Variants in CNTN5 observed in about 807,000 individuals in gnomAD.
CNTN5 encodes the protein contactin-5.
CNTN5 carries 77 observed loss-of-function variants against 129.1 expected under a neutral mutation model. The ratio of observed to expected loss-of-function variants is 0.60; its 90% CI spans 0.50 to 0.72. The LOEUF is 0.72. Ranked by LOEUF, CNTN5 falls within the 30% of genes least tolerant of loss-of-function variation. The pLI, the probability that CNTN5 is intolerant of heterozygous loss-of-function variation, is 0.00. For missense variants in CNTN5, 1,478 were observed against 1,328.8 expected (o/e 1.11, Z -1.75); for synonymous variants, 509 against 465.6 (o/e 1.09, Z -1.20).
Position 99,889,323 on chromosome 11 carries a change from TGTGTGTG to T in CNTN5, c.578-26730_578-26724del, listed in dbSNP as rs1449287737. The stretch of plus-strand genomic sequence containing the variant: ...GTGTGTGTGTGTGTGTGTGTGTGTG[TGTGTGTG>T]TGTGTGTGTGTGTGTGTGTGTGTGT... On this transcript the variant is annotated intron_variant, in intron 6 of 24. Coordinates refer to ENST00000524871, the MANE Select transcript of CNTN5 (RefSeq NM_014361.4). 2.3e-3 allele frequency among the ~76,000 whole-genome samples: 335 copies of T among 144,506 alleles called. 10 individuals are homozygous for T. The highest frequency in any genetic ancestry group is 0.011 in the Middle Eastern group (3 of 280). The allele number at this position is 144,506 out of a possible 152,430, so 94.8% of individuals were successfully genotyped here.
At position 100,044,267 on chromosome 11, in the gene CNTN5, G is replaced by A. The variant is rs1942544865; in HGVS notation, c.981-16945G>A. 2.6e-5 allele frequency among the ~76,000 whole-genome samples: 4 copies of A among 151,672 alleles called. No homozygotes were observed. The South Asian group carries it at 8.3e-4, about 32-fold the overall frequency. ...AGGTTGATTCCATATCTTTGTTATT[G>A]TCAACAGTCCCGTGATAAACATATG... On this transcript the variant is annotated intron_variant, in intron 9 of 24. Coordinates refer to ENST00000524871, the MANE Select transcript of CNTN5 (RefSeq NM_014361.4).
At chr11:99,987,753 G>A (rs1479685417) in intron 8 of CNTN5, among the ~76,000 whole-genome samples, 1 of 152,022 alleles carries the variant, frequency 6.6e-6, no homozygotes, top group Non-Finnish European at 1.5e-5. Flanking sequence ...AAATATTGAG[G>A]AAAAGTGGCT....
chr11:99,758,369 T>A (rs1294110920), intron 3 of CNTN5, among the ~76,000 whole-genome samples: 1 of 152,110 alleles, frequency 6.6e-6, no homozygotes, highest in Admixed American at 6.6e-5. Context: ...GAACTTATAC[T>A]TTATTTGTCA....
At chr11:100,133,726 A>G (rs149203720) in intron 13 of CNTN5, among the ~76,000 whole-genome samples, 48 of 152,234 alleles carry the variant, frequency 3.2e-4, no homozygotes, top group African/African-American at 9.1e-4. Context: ...CCCCTTTACC[A>G]TATAATCTGA....
chr11:99,891,739 A>G (rs1231578409), intron 6 of CNTN5, among the ~76,000 whole-genome samples: 2 of 152,106 alleles, frequency 1.3e-5, no homozygotes, highest in African/African-American at 2.4e-5. Context: ...ATTGATGGGC[A>G]TTTGGGTTGG....
At chr11:99,929,816 T>C (rs1950150643) in intron 7 of CNTN5, among the ~76,000 whole-genome samples, 1 of 152,184 alleles carries the variant, frequency 6.6e-6, no homozygotes, top group African/African-American at 2.4e-5. Context: ...CTATTGTTAC[T>C]GGTGGCAAGT....
intron 2 of CNTN5, among the ~76,000 whole-genome samples, chr11:99,402,580 C>G (rs1161630884): frequency 6.6e-6 from 1 of 152,108 alleles, no homozygotes; most frequent in Admixed American, 6.5e-5. Flanking sequence ...CAGGATAATA[C>G]TGACATCGTA....
chr11:99,281,143 T>C (rs553551612), intron 1 of CNTN5, among the ~76,000 whole-genome samples: 2 of 151,882 alleles, frequency 1.3e-5, no homozygotes, highest in South Asian at 4.1e-4. Context: ...CTGAATAGAA[T>C]TAAAAGATCT....
At chr11:99,398,101 C>T (rs1301607328) in intron 2 of CNTN5, among the ~76,000 whole-genome samples, 2 of 151,790 alleles carry the variant, frequency 1.3e-5, no homozygotes, top group Non-Finnish European at 2.9e-5. Context: ...GTCAGCCATC[C>T]ATTGACTTTA....
intron 1 of CNTN5, among the ~76,000 whole-genome samples, chr11:99,283,090 A>G (rs989003950): frequency 6.6e-6 from 1 of 152,104 alleles, no homozygotes; most frequent in Non-Finnish European, 1.5e-5. Context: ...CATGTTGGAA[A>G]TAGTCCATTG....
chr11:99,653,464 A>T (rs774754805), intron 3 of CNTN5, among the ~76,000 whole-genome samples: 2 of 151,978 alleles, frequency 1.3e-5, no homozygotes, highest in African/African-American at 2.4e-5. Context: ...TCAACCTTAA[A>T]TCAGTAAGTA....
intron 1 of CNTN5, among the ~76,000 whole-genome samples, chr11:99,035,433 G>T (rs1863666429): frequency 6.6e-6 from 1 of 152,052 alleles, no homozygotes; most frequent in South Asian, 2.1e-4. Context: ...CTCAGGACTT[G>T]CTTTATGAAT....
In CNTN5 at chr11:99,795,882, G is replaced by T. The variant is rs140993945; in HGVS notation, c.56-23662G>T. On this transcript the variant is annotated intron_variant, in intron 3 of 24. Transcript: ENST00000524871. Reference sequence around the variant, plus strand: ...AGTTCTAAGGTATTTTTGGACCACCGATCACAACACTCTGTTGAATGTGCC... The same window carrying T: ...AGTTCTAAGGTATTTTTGGACCACCTATCACAACACTCTGTTGAATGTGCC... Among the ~76,000 whole-genome samples the T allele has an allele frequency of 8.9e-3, 1,357 of 152,258 alleles. 10 individuals carry two copies. The highest frequency in any genetic ancestry group is 0.014 in the South Asian group (67 of 4,820).
chr11:100,280,871 A>G (rs1265813744), intron 18 of CNTN5, among the ~76,000 whole-genome samples: 4 of 152,086 alleles, frequency 2.6e-5, no homozygotes, highest in Non-Finnish European at 5.9e-5. Flanking sequence ...GGTTACCACG[A>G]GGTTTGCAAA....
intron 1 of CNTN5, among the ~76,000 whole-genome samples, chr11:99,251,741 G>C (rs181767974): frequency 6.6e-6 from 1 of 151,986 alleles, no homozygotes; most frequent in African/African-American, 2.4e-5. Flanking sequence ...AGTAGGAATG[G>C]TAACATTTTT....
intron 6 of CNTN5, among the ~76,000 whole-genome samples, chr11:99,890,269 A>G (rs1377569257): frequency 6.6e-6 from 1 of 152,236 alleles, no homozygotes; most frequent in African/African-American, 2.4e-5. Context: ...AGCTAGAACA[A>G]TGAGAAACAA....
intron 1 of CNTN5, among the ~76,000 whole-genome samples, chr11:99,075,449 G>A (rs1865521346): frequency 6.6e-6 from 1 of 152,124 alleles, no homozygotes; most frequent in Non-Finnish European, 1.5e-5. Flanking sequence ...AGATTTACAT[G>A]TGACTGGTCA....
chr11:99,131,899 A>G (rs541441991), intron 1 of CNTN5, among the ~76,000 whole-genome samples: 6 of 152,336 alleles, frequency 3.9e-5, no homozygotes, highest in Admixed American at 2.6e-4. Context: ...AACTCATTTT[A>G]TGAGGCCAGC....
At chr11:99,444,138 G>A (rs1943957825) in intron 2 of CNTN5, among the ~76,000 whole-genome samples, 1 of 152,014 alleles carries the variant, frequency 6.6e-6, no homozygotes, top group Admixed American at 6.6e-5. Flanking sequence ...GGTGGAGGTT[G>A]CAGTGAGCCG....
Sources: allele counts gnomAD v4.1 joint callset (sites outside exome capture counted in the v4.1 genomes callset), GRCh38; gene constraint gnomAD v4.1.1; transcripts MANE v1.5; gene names NCBI Gene and HGNC (gene_info 2026-07-23, HGNC 2026-07-21).